NFIL3: variants seen among roughly 807,000 people sequenced by gnomAD.
NFIL3 encodes the protein nuclear factor, interleukin 3 regulated.
NFIL3 carries 5 observed loss-of-function variants against 10.0 expected under a neutral mutation model. The ratio of observed to expected loss-of-function variants is 0.50; its 90% CI spans 0.26 to 1.06. The LOEUF is 1.06. Among genes scored for constraint, NFIL3 ranks in the 50% least tolerant of loss-of-function variants. NFIL3 has a pLI of 0.13. For missense variants in NFIL3, 436 were observed against 547.6 expected (o/e 0.80, Z 2.03); for synonymous variants, 202 against 206.5 (o/e 0.98, Z 0.19).
chr9:91,446,087 G>C, the NFIL3 span, among the ~76,000 whole-genome samples: 1 of 152,158 alleles, frequency 6.6e-6, no homozygotes, highest in Non-Finnish European at 1.5e-5. Flanking sequence ...GCAGTGTGTA[G>C]ACACTGGGGA....
intron 1 of NFIL3, among the ~76,000 whole-genome samples, chr9:91,420,112 TC>T (rs548660183): frequency 8.5e-4 from 130 of 152,288 alleles, no homozygotes; most frequent in Non-Finnish European, 1.5e-3. Flanking sequence ...GACTCATCTC[TC>T]TATTCCTTCA....
chr9:91,422,658 G>A (rs1435668018), intron 1 of NFIL3, among the ~76,000 whole-genome samples: 2 of 152,098 alleles, frequency 1.3e-5, no homozygotes, highest in African/African-American at 4.8e-5. Context: ...AAAAAGCAAT[G>A]ACAATAAGGT....
At chr9:91,411,526 C>T (rs1833547473) in intron 1 of NFIL3, among the ~76,000 whole-genome samples, 1 of 152,200 alleles carries the variant, frequency 6.6e-6, no homozygotes. Context: ...TACACCTTAA[C>T]GTGGACATAA....
intron 1 of NFIL3, among the ~76,000 whole-genome samples, 196 bp downstream of exon 1, chr9:91,423,444 T>C (rs1401098183): frequency 6.6e-6 from 1 of 151,866 alleles, no homozygotes; most frequent in Non-Finnish European, 1.5e-5. Context: ...CACCTTAAGG[T>C]GGCGAGTCCC....
At chr9:91,447,395 T>C in the NFIL3 span, among the ~76,000 whole-genome samples, 1 of 152,220 alleles carries the variant, frequency 6.6e-6, no homozygotes, top group Non-Finnish European at 1.5e-5. Context: ...TTTAGCTTCT[T>C]GAGGAACTGG....
intron 1 of NFIL3, among the ~76,000 whole-genome samples, chr9:91,421,250 C>T (rs1177433543): frequency 1.3e-5 from 2 of 151,628 alleles, no homozygotes; most frequent in African/African-American, 4.8e-5. Context: ...GGGTCCCTGG[C>T]TCCCTGGCTC....
the NFIL3 span, among the ~76,000 whole-genome samples, chr9:91,457,812 G>A: frequency 2.0e-5 from 3 of 152,062 alleles, no homozygotes; most frequent in African/African-American, 7.2e-5. Flanking sequence ...TAGGTTTATT[G>A]TAGGTACTCT....
In NFIL3 at chr9:91,409,932, G is replaced by A; in HGVS notation, c.803C>T (p.Ser268Phe). The change falls in exon 2 of 2, where the codon TCC becomes TTC. Residue 268 changes from serine to phenylalanine, a missense_variant. Around this residue, in one of 3 missense-constraint regions of NFIL3, gnomAD observed 338 missense variants for 399.9 expected, o/e 0.85. Coordinates refer to ENST00000297689, the MANE Select transcript of NFIL3 (RefSeq NM_005384.3). ...TTCCGACGTTCTCGGGGAGTTGCTG[G>A]AGGATCGGTTGACTTGCAGTAGTGG... is the stretch of plus-strand genomic sequence containing the variant. Reference protein sequence around the residue: ...SPPLLQVNRSSSNSPRTSETD... With the variant: ...SPPLLQVNRSFSNSPRTSETD... 1 of 1,613,882 alleles carries A rather than the reference G, an allele frequency of 6.2e-7. No individual in the cohort carries two copies. Among genetic ancestry groups the A allele is most frequent in the Non-Finnish European group, 8.5e-7 (1 of 1,180,024 alleles).
the NFIL3 span, among the ~76,000 whole-genome samples, chr9:91,439,247 TG>T: frequency 6.6e-6 from 1 of 152,168 alleles, no homozygotes. Context: ...AATTTCTAAG[TG>T]CTTTATTTTC....
chr9:91,428,609 C>T (rs1461943468), upstream of NFIL3, among the ~76,000 whole-genome samples: 1 of 152,202 alleles, frequency 6.6e-6, no homozygotes, highest in East Asian at 1.9e-4. Flanking sequence ...TATTAAGCAG[C>T]TCTTGCTCAA....
chr9:91,477,828 T>C, the NFIL3 span, among the ~76,000 whole-genome samples: 1 of 152,162 alleles, frequency 6.6e-6, no homozygotes, highest in Non-Finnish European at 1.5e-5. Context: ...CTTTATTCTT[T>C]TTCTTTTTTT....
intron 1 of NFIL3, among the ~76,000 whole-genome samples, chr9:91,417,609 G>T (rs936185909): frequency 1.3e-5 from 2 of 152,144 alleles, no homozygotes; most frequent in East Asian, 1.9e-4. Context: ...CAACCCAGAG[G>T]AAATGGGGAG....
chr9:91,464,397 T>A, the NFIL3 span, among the ~76,000 whole-genome samples: 10 of 152,204 alleles, frequency 6.6e-5, no homozygotes, highest in Middle Eastern at 6.8e-3. Context: ...ACTATACTAC[T>A]TCATGGGTAG....
At chr9:91,462,834 G>T in the NFIL3 span, among the ~76,000 whole-genome samples, 1 of 101,690 alleles carries the variant, frequency 9.8e-6, no homozygotes, top group Non-Finnish European at 1.8e-5. Context: ...TTGGGGGTGG[G>T]GGGAGGGAAG....
At chr9:91,480,571 A>G in the NFIL3 span, among the ~76,000 whole-genome samples, 6 of 152,180 alleles carry the variant, frequency 3.9e-5, no homozygotes, top group Non-Finnish European at 8.8e-5. Context: ...AAAAACAACA[A>G]CAACAAAGAC....
chr9:91,455,280 T>C, the NFIL3 span, among the ~76,000 whole-genome samples: 3 of 152,226 alleles, frequency 2.0e-5, no homozygotes, highest in Non-Finnish European at 4.4e-5. Context: ...GATCTTTCTA[T>C]GGCAAGTTTT....
chr9:91,451,425 C>T, the NFIL3 span, among the ~76,000 whole-genome samples: 1 of 152,208 alleles, frequency 6.6e-6, no homozygotes, highest in African/African-American at 2.4e-5. Context: ...TAACTCTTAA[C>T]ATACCACATT....
At chr9:91,455,504 T>C in the NFIL3 span, among the ~76,000 whole-genome samples, 1 of 152,206 alleles carries the variant, frequency 6.6e-6, no homozygotes, top group Non-Finnish European at 1.5e-5. Flanking sequence ...CCAGCTTTGA[T>C]GTCCTTTTGA....
the NFIL3 span, among the ~76,000 whole-genome samples, chr9:91,468,007 G>A: frequency 2.0e-5 from 3 of 152,278 alleles, no homozygotes; most frequent in Admixed American, 6.5e-5. Context: ...ATGTGTGCAT[G>A]TGTCTTTATA....
Sources: allele counts gnomAD v4.1 joint callset (sites outside exome capture counted in the v4.1 genomes callset), GRCh38; gene constraint gnomAD v4.1.1; regional missense constraint gnomAD v4.1.1; transcripts MANE v1.5; gene names NCBI Gene and HGNC (gene_info 2026-07-23, HGNC 2026-07-21).